Variants in RYR1 observed in about 807,000 individuals in gnomAD.
RYR1 encodes the protein ryanodine receptor 1.
In RYR1, 342 loss-of-function variants were observed where a neutral mutation model predicts 583.5. The ratio of observed to expected loss-of-function variants is 0.59; its 90% CI spans 0.54 to 0.64. The LOEUF is 0.64. RYR1 is among the 30% of genes least tolerant of loss of function. The pLI is 0.00. For synonymous variants in RYR1, 2,791 were observed against 2,822.5 expected (o/e 0.99, Z 0.35); for missense variants, 6,032 against 6,917.2 (o/e 0.87, Z 4.54).
intron 34 of RYR1, among the ~76,000 whole-genome samples, chr19:38,487,075 G>C (rs1011049941): frequency 1.3e-5 from 2 of 151,626 alleles, no homozygotes. Flanking sequence ...CTTTCCTTCC[G>C]TAGGTCCAAT....
chr19:38,563,853 T>G (rs755655446), intron 90 of RYR1, among the ~76,000 whole-genome samples: 5 of 152,178 alleles, frequency 3.3e-5, no homozygotes, highest in Non-Finnish European at 7.3e-5. Context: ...GGGGTTCGAA[T>G]CCTATATGTG....
At position 38,505,394 on chromosome 19, in the gene RYR1, A is replaced by G; in HGVS notation, c.8396A>G (p.Glu2799Gly). The change falls in exon 53 of 106, where the codon GAG becomes GGG. Residue 2799 changes from glutamate (E) to glycine (G), a missense_variant. Coordinates refer to ENST00000359596, the MANE Select transcript of RYR1 (RefSeq NM_000540.3). ...CTGAGGCCCTACAAGACCTTTTCAG[A>G]GAAGGTGACCAGGCCTTGGGGCCCA... ...PMLRPYKTFS[E>G]KDKEIYRWPI... is the part of the protein sequence containing the mutation. 6.2e-7 allele frequency: 1 copy of G among 1,607,012 alleles called. No individual in the cohort carries two copies. The highest frequency in any genetic ancestry group is 8.5e-7 in the Non-Finnish European group (1 of 1,175,698).
chr19:38,582,951 T>G (rs1486399977), intron 101 of RYR1, among the ~76,000 whole-genome samples: 1 of 152,070 alleles, frequency 6.6e-6, no homozygotes. Context: ...GTCACTTATC[T>G]TAGTTTTTAC....
At chr19:38,524,036 C>A in intron 70 of RYR1, 107 bp downstream of exon 70, 1 of 1,273,628 alleles carries the variant, frequency 7.9e-7, no homozygotes, top group Non-Finnish European at 1.1e-6. Context: ...GTTCCCCACC[C>A]CCGTCCTCCC....
rs1036696718 is a variant in RYR1, at chr19:38,505,052, T to C, written c.8281T>C (p.Tyr2761His). ...LDSFINKFAE[Y>H]THEKWAFDKI... ...CTCCTTCATTAACAAGTTTGCGGAG[T>C]ACACACACGAGAAGTGGGCCTTCGA... Residue 2761 changes from tyrosine to histidine, a missense_variant, in exon 52 of 106, where the codon TAC (tyrosine) becomes CAC (histidine). This residue lies in a region of RYR1 where 1,493 missense variants were observed against 1,715.5 expected (regional missense o/e 0.87). Coordinates refer to ENST00000359596, the MANE Select transcript of RYR1 (RefSeq NM_000540.3). 1 of 1,613,968 alleles carries C rather than the reference T, an allele frequency of 6.2e-7. No homozygotes were observed. Among genetic ancestry groups the C allele is most frequent in the African/African-American group, 1.3e-5 (1 of 74,952 alleles).
Position 38,483,160 on chromosome 19 carries a change from G to A in RYR1, c.4707+47G>A. ...CACTAATGGGGCCAGGCTGAGGCAGGAGATGTGGGGAGGCCAGGCGGGCAG... is the reference window on the plus strand; with the variant it reads ...CACTAATGGGGCCAGGCTGAGGCAGAAGATGTGGGGAGGCCAGGCGGGCAG... On this transcript the variant is annotated intron_variant, in intron 32 of 105. Coordinates refer to ENST00000359596, the MANE Select transcript of RYR1 (RefSeq NM_000540.3). This position sits in a 1 kb window ranked among gnomAD's most constrained non-coding sequence, Gnocchi z 6.3. 6.2e-7 allele frequency: 1 copy of A among 1,601,836 alleles called. No homozygotes were observed. The highest frequency in any genetic ancestry group is 1.1e-5 in the South Asian group (1 of 90,814).
intron 101 of RYR1, 103 bp downstream of exon 101, chr19:38,580,607 C>G: frequency 6.9e-7 from 1 of 1,449,258 alleles, no homozygotes; most frequent in Non-Finnish European, 9.6e-7. Flanking sequence ...AGCCTGCAAT[C>G]CCAGTGCGTC....
In RYR1 at chr19:38,473,649, C is replaced by T. The variant is rs777049924; in HGVS notation, c.4038C>T (p.Asn1346=). ...RSAGGWSEAE[N]GKEGTAKEGA... ...CTGGGGGCTGGAGCGAGGCAGAGAACGGCAAAGAAGGGACTGCGAAGGAGG... is the reference window on the plus strand; with the variant it reads ...CTGGGGGCTGGAGCGAGGCAGAGAATGGCAAAGAAGGGACTGCGAAGGAGG... The change falls in exon 28 of 106, where the codon AAC becomes AAT. Residue 1346 remains asparagine, a synonymous_variant. Coordinates refer to ENST00000359596, the MANE Select transcript of RYR1 (RefSeq NM_000540.3). The T allele has an allele frequency of 7.7e-6, 12 of 1,556,910 alleles. No homozygotes were observed. Among genetic ancestry groups the T allele is most frequent in the African/African-American group, 1.4e-5 (1 of 73,490 alleles).
At chr19:38,527,817 T>G (rs1482509785) in intron 73 of RYR1, 33 bp downstream of exon 73, 1 of 1,611,038 alleles carries the variant, frequency 6.2e-7, no homozygotes, top group Non-Finnish European at 8.5e-7. Context: ...TTCTACTGGG[T>G]CTCTGGGCGG....
In RYR1 at chr19:38,543,384, G is replaced by A. The variant is rs767579655; in HGVS notation, c.11727G>A (p.Thr3909=). ...ACCTACGGACACAGACAGGGAACACGACCACTATTAACATCATCATTTGCA... is the reference window on the plus strand; with the variant it reads ...ACCTACGGACACAGACAGGGAACACAACCACTATTAACATCATCATTTGCA... The part of the protein sequence containing the change: ...QNYLRTQTGN[T]TTINIIICTV... The change falls in exon 85 of 106, where the codon ACG becomes ACA. Residue 3909 remains threonine, a synonymous_variant. Transcript: ENST00000359596. The surrounding 1 kb of genome is among the most constrained non-coding windows in gnomAD (Gnocchi z 4.4). 3 of 1,614,124 alleles carry A rather than the reference G, an allele frequency of 1.9e-6. No homozygotes were observed. The highest frequency in any genetic ancestry group is 1.1e-5 in the South Asian group (1 of 91,038).
chr19:38,553,075 G>A (rs1972732901), intron 89 of RYR1, among the ~76,000 whole-genome samples: 1 of 152,312 alleles, frequency 6.6e-6, no homozygotes, highest in South Asian at 2.1e-4. Context: ...GCTCACGCCT[G>A]TAATCTCAAC....
intron 11 of RYR1, among the ~76,000 whole-genome samples, chr19:38,450,501 C>T (rs907867965): frequency 6.6e-6 from 1 of 151,730 alleles, no homozygotes; most frequent in Non-Finnish European, 1.5e-5. Flanking sequence ...ATTTAATAGG[C>T]GAAAGAAGGA....
chr19:38,451,344 A>G (rs550413265), intron 11 of RYR1, among the ~76,000 whole-genome samples: 1 of 152,152 alleles, frequency 6.6e-6, no homozygotes, highest in East Asian at 1.9e-4. Context: ...CACCTCGTGG[A>G]AAGGTGGTCT....
intron 102 of RYR1, 71 bp downstream of exon 102, chr19:38,585,170 A>G (rs745764650): frequency 2.6e-6 from 4 of 1,560,586 alleles, no homozygotes; most frequent in Non-Finnish European, 3.5e-6. Flanking sequence ...CAGGCCCAGG[A>G]TCCAGTCGGC....
intron 96 of RYR1, among the ~76,000 whole-genome samples, chr19:38,574,275 A>G: frequency 6.7e-6 from 1 of 148,930 alleles, no homozygotes; most frequent in African/African-American, 2.5e-5. Context: ...AAAAAAAAAA[A>G]GGAAAAGAAA....
chr19:38,485,416 C>G lies in RYR1; in HGVS notation c.4935-174C>G, dbSNP rs1169744364. Among the ~76,000 whole-genome samples the G allele has an allele frequency of 2.6e-5, 4 of 152,200 alleles. No individual in the cohort carries two copies. In the South Asian group the frequency reaches 8.3e-4, roughly 32 times the overall value. The stretch of plus-strand genomic sequence containing the variant: ...GCCTTTCTGGGGTCTGTGCCTCTGT[C>G]TCCCATCTTCTCCCAGGATGGGTGA... On this transcript the variant is annotated intron_variant, in intron 33 of 105. Transcript: ENST00000359596.
Position 38,519,316 on chromosome 19 carries a change from C to T in RYR1, c.10121C>T (p.Ser3374Phe). ...RLRKRAGKVV[S>F]EEEQLRLEAK... ...CGCAAGAGGGCAGGGAAGGTGGTGT[C>T]CGAGGAGGAGCAGCTGCGCCTGGAG... The change falls in exon 67 of 106, where the codon TCC becomes TTC. Residue 3374 changes from serine to phenylalanine, a missense_variant. Coordinates refer to ENST00000359596, the MANE Select transcript of RYR1 (RefSeq NM_000540.3). 1 of 1,613,918 alleles carries T rather than the reference C, an allele frequency of 6.2e-7. No homozygotes were observed. Among genetic ancestry groups the T allele is most frequent in the African/African-American group, 1.3e-5 (1 of 75,048 alleles).
intron 37 of RYR1, among the ~76,000 whole-genome samples, 165 bp from the exon 38 acceptor site, chr19:38,492,325 A>T (rs1382821370): frequency 6.7e-6 from 1 of 149,850 alleles, no homozygotes; most frequent in Middle Eastern, 3.2e-3. Flanking sequence ...ACATCATGCT[A>T]CTGCTCTCCA....
rs147114308 is a variant in RYR1 at position 38,487,515 on chromosome 19, G to A, written c.5547+1313G>A. Among the ~76,000 whole-genome samples, 31 of 151,952 alleles carry A rather than the reference G, an allele frequency of 2.0e-4. No homozygotes were observed. In the East Asian group the frequency reaches 4.8e-3, roughly 24 times the overall value. ...ATTACAGGTGCCCGCCACCATGCCC[G>A]GCTAATTTTTGTATTTTTAATAGAG... On this transcript the variant is annotated intron_variant, in intron 34 of 105. Coordinates refer to ENST00000359596, the MANE Select transcript of RYR1 (RefSeq NM_000540.3).
Sources: gnomAD v4.1 joint callset for allele counts (sites outside exome capture counted in the v4.1 genomes callset) on GRCh38, gnomAD v4.1.1 for gene constraint, gnomAD v4.1.1 regional missense constraint, Gnocchi (gnomAD v3.1) non-coding constraint, MANE v1.5 for transcripts, NCBI Gene and HGNC (gene_info 2026-07-23, HGNC 2026-07-21) for gene names.